ZSWIM6: variants seen among roughly 807,000 people sequenced by gnomAD.
ZSWIM6 encodes zinc finger SWIM domain-containing protein 6.
ZSWIM6 carries 9 observed loss-of-function variants against 113.2 expected under a neutral mutation model. The ratio of observed to expected loss-of-function variants is 0.08; its 90% CI spans 0.05 to 0.14. The LOEUF (loss-of-function observed/expected upper bound fraction) is 0.14. ZSWIM6 is among the 10% of genes least tolerant of loss of function. The pLI, the probability that ZSWIM6 is intolerant of heterozygous loss-of-function variation, is 1.00. For synonymous variants in ZSWIM6, 611 were observed against 606.5 expected (o/e 1.01, Z -0.11); for missense variants, 1,162 against 1,552.2 (o/e 0.75, Z 4.22).
At chr5:61,434,396 C>T (rs984657069) in intron 1 of ZSWIM6, among the ~76,000 whole-genome samples, 1 of 151,758 alleles carries the variant, frequency 6.6e-6, no homozygotes, top group Non-Finnish European at 1.5e-5. Flanking sequence ...TATCTGTCAC[C>T]TGAGCAGTGT....
intron 1 of ZSWIM6, chr5:61,375,180 C>T: frequency 6.2e-7 from 1 of 1,613,164 alleles, no homozygotes; most frequent in Non-Finnish European, 8.5e-7. Flanking sequence ...GGGGTCCAAT[C>T]CAGTCTTCAG....
chr5:61,333,309 G>A (rs956986799), intron 1 of ZSWIM6, among the ~76,000 whole-genome samples: 4 of 151,412 alleles, frequency 2.6e-5, no homozygotes, highest in African/African-American at 7.3e-5. Context: ...GCGGACGGCC[G>A]GCCTCCGGCG....
At chr5:61,474,010 G>T (rs556118208) in intron 2 of ZSWIM6, among the ~76,000 whole-genome samples, 23 of 152,260 alleles carry the variant, frequency 1.5e-4, no homozygotes, top group African/African-American at 5.5e-4. Context: ...CAATATGAAT[G>T]TGCAGATTAA....
At position 61,392,237 on chromosome 5, in the gene ZSWIM6, A is replaced by G. The variant is rs574568014; in HGVS notation, c.676+59289A>G. ...TGATTTCTCTAGTAGTATTGGAGAA[A>G]GACGGAAAGCAACACATGGTAGTTG... is the stretch of plus-strand genomic sequence containing the variant. On this transcript the variant is annotated intron_variant, in intron 1 of 13. Transcript: ENST00000252744. 3.3e-4 allele frequency among the ~76,000 whole-genome samples: 51 copies of G among 152,360 alleles called. 2 individuals carry two copies. The South Asian group carries it at 7.9e-3, about 23-fold the overall frequency.
intron 1 of ZSWIM6, among the ~76,000 whole-genome samples, chr5:61,373,446 C>T (rs528931662): frequency 1.3e-4 from 19 of 143,424 alleles, no homozygotes; most frequent in Non-Finnish European, 2.5e-4. Context: ...GGCGCGATCT[C>T]GGCTCACTGC....
chr5:61,356,293 A>G (rs1457405671), intron 1 of ZSWIM6, among the ~76,000 whole-genome samples: 1 of 152,122 alleles, frequency 6.6e-6, no homozygotes, highest in Non-Finnish European at 1.5e-5. Context: ...TGCCCTTCAC[A>G]TTATTTGAGA....
chr5:61,383,766 C>T (rs553546969), intron 1 of ZSWIM6, among the ~76,000 whole-genome samples: 16 of 151,534 alleles, frequency 1.1e-4, no homozygotes, highest in South Asian at 2.1e-4. Context: ...AGGCTGGTCT[C>T]GAACTCCTGA....
intron 1 of ZSWIM6, among the ~76,000 whole-genome samples, chr5:61,346,576 G>A (rs751676793): frequency 2.6e-5 from 4 of 152,246 alleles, no homozygotes; most frequent in Admixed American, 6.5e-5. Flanking sequence ...TGCAATTTAC[G>A]TTTTGTTTAG....
chr5:61,440,504 T>A (rs1168384751), intron 1 of ZSWIM6, among the ~76,000 whole-genome samples: 1 of 152,090 alleles, frequency 6.6e-6, no homozygotes, highest in Non-Finnish European at 1.5e-5. Context: ...AGAAAGAATG[T>A]CATGAGTATT....
At position 61,466,674 on chromosome 5, in the gene ZSWIM6, GAGTTTATAACAGTCTTTC is replaced by G. The variant is rs374314933; in HGVS notation, c.677-5984_677-5967del. On this transcript the variant is annotated intron_variant, in intron 1 of 13. Transcript: ENST00000252744. ...TAGCTTAGAAATTTCCTAATGCTTT[GAGTTTATAACAGTCTTTC>G]AGTTTATAACAGTCTTTCAGTTAAC... Among the ~76,000 whole-genome samples the G allele has an allele frequency of 8.5e-5, 13 of 152,166 alleles. No homozygotes were observed. The East Asian group carries it at 1.5e-3, about 18-fold the overall frequency.
intron 2 of ZSWIM6, among the ~76,000 whole-genome samples, chr5:61,475,223 G>A (rs943600503): frequency 6.6e-6 from 1 of 151,894 alleles, no homozygotes; most frequent in Non-Finnish European, 1.5e-5. Flanking sequence ...TTTTCCTTAG[G>A]TCATGTAATC....
intron 1 of ZSWIM6, among the ~76,000 whole-genome samples, chr5:61,461,660 G>A (rs1747326636): frequency 6.6e-6 from 1 of 152,116 alleles, no homozygotes; most frequent in Non-Finnish European, 1.5e-5. Context: ...TTATTACCAG[G>A]CTCTCAGAAC....
At chr5:61,530,246 T>A in intron 8 of ZSWIM6, 48 bp downstream of exon 8, 1 of 1,504,076 alleles carries the variant, frequency 6.6e-7, no homozygotes, top group Non-Finnish European at 9.0e-7. Flanking sequence ...TTCTAAACCC[T>A]GAATGGCAGT....
At chr5:61,463,424 C>G (rs762780987) in intron 1 of ZSWIM6, among the ~76,000 whole-genome samples, 4 of 152,208 alleles carry the variant, frequency 2.6e-5, no homozygotes, top group Non-Finnish European at 4.4e-5. Context: ...TTCTAATCCT[C>G]TAAGTCAGTG....
rs767625288 is a variant in ZSWIM6, at chr5:61,535,455, C to T, written c.2246-29C>T. ...GAAGTGTTAGTTCATTTTTTAGGAACGTAAAATGTGTATGCTCTCTTCCCA... is the reference window on the plus strand; with the variant it reads ...GAAGTGTTAGTTCATTTTTTAGGAATGTAAAATGTGTATGCTCTCTTCCCA... On this transcript the variant is annotated intron_variant, in intron 9 of 13. Transcript: ENST00000252744. The T allele has an allele frequency of 5.7e-5, 88 of 1,548,078 alleles. 2 individuals are homozygous for T. The Admixed American group carries it at 1.3e-3, about 24-fold the overall frequency.
In ZSWIM6 at chr5:61,472,580, T is replaced by C; in HGVS notation, c.677-101T>C. ...TGAATATAGAGGCTGTCATATTTTT[T>C]TCTTGCTGCTGTCAAGTCCCACACA... On this transcript the variant is annotated intron_variant, in intron 1 of 13. Transcript: ENST00000252744. The surrounding 1 kb of genome is among the most constrained non-coding windows in gnomAD (Gnocchi z 4.1). 3 of 899,716 alleles carry C rather than the reference T, an allele frequency of 3.3e-6. No individual in the cohort carries two copies. The highest frequency in any genetic ancestry group is 4.8e-6 in the Non-Finnish European group (3 of 623,528). 55.7% of individuals were successfully genotyped at this position (899,716 alleles called of 1,614,324 possible).
At chr5:61,511,033 T>A (rs1363520644) in intron 4 of ZSWIM6, among the ~76,000 whole-genome samples, 1 of 152,182 alleles carries the variant, frequency 6.6e-6, no homozygotes, top group Non-Finnish European at 1.5e-5. Context: ...GGACTCTGAA[T>A]TAATAAAATT....
At chr5:61,477,685 A>G (rs1285341649) in intron 2 of ZSWIM6, among the ~76,000 whole-genome samples, 1 of 152,232 alleles carries the variant, frequency 6.6e-6, no homozygotes, top group Non-Finnish European at 1.5e-5. Flanking sequence ...CTCAGATATT[A>G]GCAAACAAAC....
chr5:61,512,511 A>G (rs1395850105), intron 4 of ZSWIM6, among the ~76,000 whole-genome samples: 1 of 152,122 alleles, frequency 6.6e-6, no homozygotes, highest in Non-Finnish European at 1.5e-5. Flanking sequence ...CATATGGTCA[A>G]AATACATTTA....
Sources: allele counts gnomAD v4.1 joint callset (sites outside exome capture counted in the v4.1 genomes callset), GRCh38; gene constraint gnomAD v4.1.1; non-coding constraint Gnocchi (gnomAD v3.1); transcripts MANE v1.5; gene names NCBI Gene and HGNC (gene_info 2026-07-23, HGNC 2026-07-21).